The following PAX2 variants were observed in gnomAD, a reference collection of about 807,000 sequenced individuals.
PAX2 encodes the protein paired box protein Pax-2.
A neutral mutation model predicts 41.7 loss-of-function variants in PAX2; 9 were observed. The ratio of observed to expected loss-of-function variants is 0.22; its 90% CI spans 0.13 to 0.38. PAX2 has a LOEUF of 0.38. Ranked by LOEUF, PAX2 falls within the 10% of genes least tolerant of loss-of-function variation. The pLI is 1.00. For synonymous variants in PAX2, 221 were observed against 212.7 expected, an observed-to-expected ratio of 1.04 and a Z score of -0.34; for missense variants, 418 against 531.6, an observed-to-expected ratio of 0.79 and a Z score of 2.10.
intron 3 of PAX2, among the ~76,000 whole-genome samples, chr10:100,755,001 G>C (rs1845580071): frequency 6.6e-6 from 1 of 152,206 alleles, no homozygotes; most frequent in Admixed American, 6.5e-5. Flanking sequence ...TCTGTGGCCT[G>C]AGCCTAGCAG....
chr10:100,810,963 C>T (rs767777053), intron 7 of PAX2, among the ~76,000 whole-genome samples: 3 of 152,158 alleles, frequency 2.0e-5, no homozygotes, highest in Non-Finnish European at 4.4e-5. Context: ...CCCAGCTTGA[C>T]ATTCCCAGGT....
chr10:100,778,461 T>C (rs925742168), intron 3 of PAX2, among the ~76,000 whole-genome samples: 2 of 152,206 alleles, frequency 1.3e-5, no homozygotes, highest in Non-Finnish European at 2.9e-5. Context: ...TTATCCCAAC[T>C]GCCTGCAAGT....
At chr10:100,768,487 A>G (rs962991049) in intron 3 of PAX2, among the ~76,000 whole-genome samples, 2 of 152,230 alleles carry the variant, frequency 1.3e-5, no homozygotes, top group Non-Finnish European at 2.9e-5. Flanking sequence ...TAACACAGAC[A>G]TGATGCTTAT....
intron 6 of PAX2, among the ~76,000 whole-genome samples, chr10:100,808,585 C>A (rs1054873034): frequency 1.3e-5 from 2 of 152,086 alleles, no homozygotes; most frequent in African/African-American, 4.8e-5. Context: ...TGGACTCTCC[C>A]CCTCCCCAAT....
intron 3 of PAX2, among the ~76,000 whole-genome samples, chr10:100,753,877 T>C (rs1026975860): frequency 2.0e-5 from 3 of 152,188 alleles, no homozygotes; most frequent in African/African-American, 7.2e-5. Flanking sequence ...CAGAAATGCC[T>C]CTCTGAACCA....
intron 4 of PAX2, 40 bp from the exon 5 acceptor site, chr10:100,781,206 A>C (rs764691281): frequency 4.5e-5 from 73 of 1,612,344 alleles, no homozygotes; most frequent in Non-Finnish European, 5.9e-5. Context: ...CAACTGCTAA[A>C]CTGCTATCCT....
intron 7 of PAX2, among the ~76,000 whole-genome samples, chr10:100,810,632 G>A (rs1847959036): frequency 1.3e-5 from 2 of 152,240 alleles, no homozygotes; most frequent in South Asian, 4.1e-4. Flanking sequence ...CTCCTGACCT[G>A]CTCAGAAGTA....
At chr10:100,805,769 C>A (rs1473370862) in intron 5 of PAX2, among the ~76,000 whole-genome samples, 2 of 152,172 alleles carry the variant, frequency 1.3e-5, no homozygotes, top group Admixed American at 1.3e-4. Context: ...CCACAGGGGC[C>A]CTTCTGTGGG....
chr10:100,828,447 A>G lies in PAX2; in HGVS notation c.*828A>G. On this transcript the variant is annotated 3_prime_UTR_variant, in exon 10 of 10. Coordinates refer to ENST00000355243, the MANE Select transcript of PAX2 (RefSeq NM_000278.5). The surrounding 1 kb of genome is among the most constrained non-coding windows in gnomAD (Gnocchi z 6.5). ...CTCAGCCCTGCCTTGCCCCTACCTC[A>G]GCGTCTCTTCCACCTGCTGGCCTCC... The G allele has an allele frequency of 4.3e-6, 1 of 234,162 alleles. No homozygotes were observed. The highest frequency in any genetic ancestry group is 6.0e-5 in the East Asian group (1 of 16,578). The allele number at this position is 234,162 out of a possible 1,614,324, so 14.5% of individuals were successfully genotyped here.
chr10:100,775,696 A>T (rs981065368), intron 3 of PAX2, among the ~76,000 whole-genome samples: 1 of 152,170 alleles, frequency 6.6e-6, no homozygotes, highest in Non-Finnish European at 1.5e-5. Flanking sequence ...TCAAGAGCCC[A>T]TCAGCCCTCA....
intron 5 of PAX2, among the ~76,000 whole-genome samples, chr10:100,795,277 C>A (rs74152676): frequency 0.017 from 2,631 of 152,290 alleles, 73 homozygotes; most frequent in African/African-American, 0.058. Context: ...TATGGCAGGA[C>A]TGATTTACAA....
chr10:100,820,874 A>G (rs1407486638), intron 7 of PAX2, among the ~76,000 whole-genome samples: 3 of 152,180 alleles, frequency 2.0e-5, no homozygotes, highest in Admixed American at 6.5e-5. Context: ...AAAATCCTCT[A>G]CTGCTTTCTG....
At chr10:100,788,429 G>T (rs1407568098) in intron 5 of PAX2, among the ~76,000 whole-genome samples, 1 of 152,264 alleles carries the variant, frequency 6.6e-6, no homozygotes, top group Non-Finnish European at 1.5e-5. Flanking sequence ...AGGACCCCGA[G>T]GAAGACCAGA....
intron 1 of PAX2, chr10:100,747,687 C>G (rs890991898): frequency 1.0e-6 from 1 of 984,444 alleles, no homozygotes; most frequent in African/African-American, 1.8e-5. Context: ...TTTAAAAATA[C>G]TTCTGGGATA....
Position 100,767,870 on chromosome 10 carries a change from T to C in PAX2, c.411-11628T>C, listed in dbSNP as rs970459581. Among the ~76,000 whole-genome samples the C allele has an allele frequency of 3.9e-5, 6 of 152,068 alleles. 2 individuals are homozygous for C. In the South Asian group the frequency reaches 1.2e-3, roughly 32 times the overall value. The stretch of plus-strand genomic sequence containing the variant: ...GGGAAGCAAAGGTATTTAAAATAGG[T>C]TTTTGTTGCAATGCCCCCAGGATAA... On this transcript the variant is annotated intron_variant, in intron 3 of 9. Coordinates refer to ENST00000355243, the MANE Select transcript of PAX2 (RefSeq NM_000278.5).
intron 6 of PAX2, 47 bp from the exon 7 acceptor site, chr10:100,809,063 C>T (rs370358600): frequency 1.6e-4 from 262 of 1,599,078 alleles, no homozygotes; most frequent in Non-Finnish European, 2.1e-4. Context: ...AGCCCTTTCT[C>T]TGTGCGTGCA....
At chr10:100,786,855 T>A in intron 5 of PAX2, 1 of 704,580 alleles carries the variant, frequency 1.4e-6, no homozygotes, top group South Asian at 1.4e-5. Context: ...GGGAGTCTGG[T>A]CTCCCGATCT....
chr10:100,827,406 A>T lies in PAX2; in HGVS notation c.1109-137A>T. On this transcript the variant is annotated intron_variant, in intron 9 of 9. Transcript: ENST00000355243. This position sits in a 1 kb window ranked among gnomAD's most constrained non-coding sequence, Gnocchi z 8.5. ...ACTATTCTCCGGGGCAACTGGCTCC[A>T]CTGCCCAGCCAAGGTCTCCCAGTCC... 1 of 882,096 alleles carries T rather than the reference A, an allele frequency of 1.1e-6. No homozygotes were observed. The highest frequency in any genetic ancestry group is 1.9e-6 in the Non-Finnish European group (1 of 534,250). 54.6% of individuals were successfully genotyped at this position (882,096 alleles called of 1,614,324 possible). A position where few individuals can be genotyped will look rare whatever the true frequency, so the allele number is the denominator to read the frequency against.
Position 100,827,782 on chromosome 10 carries a change from C to A in PAX2, c.*163C>A. ...ACGACCCCCGCAACCCTTCACATCACCCCCCTCGAAGGTCGGACAGGACGG... is the reference window on the plus strand; with the variant it reads ...ACGACCCCCGCAACCCTTCACATCAACCCCCTCGAAGGTCGGACAGGACGG... On this transcript the variant is annotated 3_prime_UTR_variant, in exon 10 of 10. Transcript: ENST00000355243. The surrounding 1 kb of genome is among the most constrained non-coding windows in gnomAD (Gnocchi z 8.5). The A allele has an allele frequency of 9.5e-7, 1 of 1,058,070 alleles. No individual in the cohort carries two copies. The highest frequency in any genetic ancestry group is 1.4e-6 in the Non-Finnish European group (1 of 707,692). The allele number at this position is 1,058,070 out of a possible 1,614,324, so 65.5% of individuals were successfully genotyped here. A position where few individuals can be genotyped will look rare whatever the true frequency, so the allele number is the denominator to read the frequency against.
Sources: gnomAD v4.1 joint callset for allele counts (sites outside exome capture counted in the v4.1 genomes callset) on GRCh38, gnomAD v4.1.1 for gene constraint, Gnocchi (gnomAD v3.1) non-coding constraint, MANE v1.5 for transcripts, NCBI Gene and HGNC (gene_info 2026-07-23, HGNC 2026-07-21) for gene names.